Variants in SLC2A9 observed in about 807,000 individuals in gnomAD.
SLC2A9 encodes solute carrier family 2, facilitated glucose transporter member 9.
A neutral mutation model predicts 50.6 loss-of-function variants in SLC2A9; 39 were observed. That is an observed-to-expected ratio of 0.77 (90% CI 0.60 to 1.01). The LOEUF (loss-of-function observed/expected upper bound fraction) is 1.01, where lower values mean the gene tolerates loss of function less well. Among genes scored for constraint, SLC2A9 ranks in the 50% least tolerant of loss-of-function variants. SLC2A9 has a pLI of 0.00. For synonymous variants in SLC2A9, 324 were observed against 276.9 expected, an observed-to-expected ratio of 1.17 and a Z score of -1.69; for missense variants, 686 against 677.6, an observed-to-expected ratio of 1.01 and a Z score of -0.14.
chr4:9,946,748 G>C (rs1749248239), intron 5 of SLC2A9, among the ~76,000 whole-genome samples: 1 of 152,202 alleles, frequency 6.6e-6, no homozygotes, highest in Admixed American at 6.5e-5. Context: ...GAACAGTCCA[G>C]AATGTCATCT....
chr4:9,977,523 C>G (rs79729099), intron 5 of SLC2A9, among the ~76,000 whole-genome samples: 1 of 151,126 alleles, frequency 6.6e-6, no homozygotes. Flanking sequence ...GCCTTGCCAG[C>G]GGTCTCTCCC....
chr4:9,930,427 G>A (rs777097287), intron 6 of SLC2A9, among the ~76,000 whole-genome samples: 2 of 152,200 alleles, frequency 1.3e-5, no homozygotes, highest in Non-Finnish European at 2.9e-5. Flanking sequence ...TGCTAAACTT[G>A]CAATTGCCTG....
At chr4:9,943,592 G>C (rs371199910) in intron 5 of SLC2A9, among the ~76,000 whole-genome samples, 2 of 152,132 alleles carry the variant, frequency 1.3e-5, no homozygotes, top group Non-Finnish European at 2.9e-5. Context: ...ATGGTGGCCC[G>C]ACTCCGTGAA....
At chr4:9,955,867 ATTTT>A (rs1170286158) in intron 5 of SLC2A9, among the ~76,000 whole-genome samples, 1 of 61,688 alleles carries the variant, frequency 1.6e-5, no homozygotes, top group Non-Finnish European at 2.7e-5. Context: ...AAGCATCTGG[ATTTT>A]TTTTTTTTTT....
intron 6 of SLC2A9, 72 bp downstream of exon 6, chr4:9,941,836 GGCCCA>G: frequency 6.3e-7 from 1 of 1,598,350 alleles, no homozygotes; most frequent in Non-Finnish European, 8.5e-7. Flanking sequence ...TGTGCCCATT[GGCCCA>G]GGTCCCAGCA....
chr4:9,949,668 C>G (rs1231057250), intron 5 of SLC2A9, among the ~76,000 whole-genome samples: 1 of 152,184 alleles, frequency 6.6e-6, no homozygotes, highest in Non-Finnish European at 1.5e-5. Context: ...GCCTTGCCAC[C>G]TTCCCTTCCC....
At chr4:9,914,305 C>T (rs1742442615) in intron 7 of SLC2A9, among the ~76,000 whole-genome samples, 1 of 152,224 alleles carries the variant, frequency 6.6e-6, no homozygotes, top group Non-Finnish European at 1.5e-5. Context: ...ACCCTCTCCA[C>T]CAAGGGCAGG....
intron 10 of SLC2A9, among the ~76,000 whole-genome samples, chr4:9,861,289 G>A (rs1387447331): frequency 6.6e-6 from 1 of 151,966 alleles, no homozygotes. Flanking sequence ...AGAGGGTGGG[G>A]AGGTACCACA....
intron 6 of SLC2A9, among the ~76,000 whole-genome samples, chr4:9,939,298 C>A (rs1205538915): frequency 6.6e-6 from 1 of 152,294 alleles, no homozygotes; most frequent in East Asian, 1.9e-4. Flanking sequence ...ATTAACAGAA[C>A]AACACTGTTG....
intron 6 of SLC2A9, among the ~76,000 whole-genome samples, chr4:9,926,706 G>A (rs1182613772): frequency 6.6e-6 from 1 of 152,042 alleles, no homozygotes; most frequent in African/African-American, 2.4e-5. Context: ...CCTGGTAGCT[G>A]TGAATGTGAA....
rs147563048 is a variant in SLC2A9, at chr4:9,862,352, G to A, written c.1291+25215C>T. 1.5e-3 allele frequency among the ~76,000 whole-genome samples: 234 copies of A among 152,056 alleles called. 3 individuals carry two copies. The highest frequency in any genetic ancestry group is 5.6e-3 in the African/African-American group (230 of 41,378). On this transcript the variant is annotated intron_variant, in intron 10 of 11. Coordinates refer to ENST00000264784, the MANE Select transcript of SLC2A9 (RefSeq NM_020041.3). ...ACTCAACGTTCTTTTCCTTTGTCTT[G>A]TTGCTTCTTTCAACATTTACTGTTC...
intron 1 of SLC2A9, among the ~76,000 whole-genome samples, chr4:10,038,402 G>T (rs938827841): frequency 6.7e-6 from 1 of 149,762 alleles, no homozygotes; most frequent in Non-Finnish European, 1.5e-5. Context: ...AGCTACTAGC[G>T]AGGCTGAGGC....
intron 5 of SLC2A9, among the ~76,000 whole-genome samples, chr4:9,965,631 A>G (rs113995040): frequency 0.014 from 2,162 of 152,338 alleles, 24 homozygotes; most frequent in Middle Eastern, 0.054. Context: ...GAGGATAACA[A>G]AATCCCATCT....
At chr4:9,877,104 C>T (rs1734425469) in intron 10 of SLC2A9, among the ~76,000 whole-genome samples, 1 of 152,188 alleles carries the variant, frequency 6.6e-6, no homozygotes, top group South Asian at 2.1e-4. Context: ...GCACACAATT[C>T]CCTAACTTTT....
intron 2 of SLC2A9, among the ~76,000 whole-genome samples, chr4:10,002,624 A>G (rs10461113): frequency 0.13 from 19,654 of 152,252 alleles, 2,130 homozygotes; most frequent in East Asian, 0.47. Context: ...AGGCCAAGGC[A>G]GGCAGATCAC....
At chr4:10,005,853 A>G (rs1017923577) in intron 2 of SLC2A9, among the ~76,000 whole-genome samples, 6 of 152,146 alleles carry the variant, frequency 3.9e-5, no homozygotes, top group Non-Finnish European at 7.3e-5. Flanking sequence ...TTCCACTCTC[A>G]GCTCTGCCAC....
chr4:9,775,141 G>A (rs533766106), downstream of SLC2A9, among the ~76,000 whole-genome samples: 12 of 152,294 alleles, frequency 7.9e-5, no homozygotes, highest in South Asian at 2.5e-3. Context: ...ATGCCAGCTG[G>A]CTCACATGGC....
At chr4:10,026,714 A>G (rs907164506) in intron 1 of SLC2A9, among the ~76,000 whole-genome samples, 13 of 152,228 alleles carry the variant, frequency 8.5e-5, no homozygotes, top group African/African-American at 3.1e-4. Flanking sequence ...AGGCTACAAC[A>G]TGAATGCACC....
chr4:9,968,243 C>A (rs960184836), intron 5 of SLC2A9, among the ~76,000 whole-genome samples: 8 of 152,102 alleles, frequency 5.3e-5, no homozygotes, highest in Non-Finnish European at 1.0e-4. Context: ...GTGGAGTTTT[C>A]GTCTTGAAGC....
Sources: allele counts gnomAD v4.1 joint callset (sites outside exome capture counted in the v4.1 genomes callset), GRCh38; gene constraint gnomAD v4.1.1; transcripts MANE v1.5; gene names NCBI Gene and HGNC (gene_info 2026-07-23, HGNC 2026-07-21).